Variants in JARID2 observed in about 807,000 individuals in gnomAD.
The protein encoded by JARID2 is protein Jumonji.
In JARID2, 21 loss-of-function variants were observed where a neutral mutation model predicts 125.6. The observed-to-expected ratio is 0.17, with a 90% CI of 0.12 to 0.24. The LOEUF (loss-of-function observed/expected upper bound fraction) is 0.24. Ranked by LOEUF, JARID2 falls within the 10% of genes least tolerant of loss-of-function variation. The probability of loss-of-function intolerance (pLI) is 1.00; values close to 1 mark genes in which losing one functional copy is unlikely to be tolerated. For synonymous variants in JARID2, 736 were observed against 661.6 expected, an observed-to-expected ratio of 1.11 and a Z score of -1.73; for missense variants, 1,303 against 1,639.6, an observed-to-expected ratio of 0.79 and a Z score of 3.55.
At chr6:15,379,970 C>G (rs1420251721) in intron 2 of JARID2, among the ~76,000 whole-genome samples, 1 of 150,096 alleles carries the variant, frequency 6.7e-6, no homozygotes, top group African/African-American at 2.5e-5. Flanking sequence ...TGTAGGAAGA[C>G]TTTACTTTTT....
At chr6:15,462,176 C>T (rs967541070) in intron 4 of JARID2, among the ~76,000 whole-genome samples, 1 of 152,168 alleles carries the variant, frequency 6.6e-6, no homozygotes, top group African/African-American at 2.4e-5. Flanking sequence ...GAATGCAAGT[C>T]ACCTTACAGA....
At chr6:15,364,818 G>A (rs1763919068) in intron 1 of JARID2, among the ~76,000 whole-genome samples, 1 of 152,216 alleles carries the variant, frequency 6.6e-6, no homozygotes. Flanking sequence ...CCGTTCTGTA[G>A]CTGTGTTGTC....
At chr6:15,420,994 G>A (rs1196664483) in intron 3 of JARID2, among the ~76,000 whole-genome samples, 1 of 152,146 alleles carries the variant, frequency 6.6e-6, no homozygotes, top group Non-Finnish European at 1.5e-5. Context: ...AGTACTCAGC[G>A]GAAGACATGA....
intron 12 of JARID2, chr6:15,509,392 G>A (rs1026127170): frequency 6.1e-6 from 6 of 983,858 alleles, no homozygotes; most frequent in Non-Finnish European, 7.2e-6. Context: ...CCTCTTTGGA[G>A]CCAGCGTCGG....
At chr6:15,331,975 T>C (rs1384306339) in intron 1 of JARID2, among the ~76,000 whole-genome samples, 2 of 152,212 alleles carry the variant, frequency 1.3e-5, no homozygotes, top group African/African-American at 4.8e-5. Context: ...TGTATTGTTC[T>C]GTTTGATATT....
intron 2 of JARID2, among the ~76,000 whole-genome samples, chr6:15,398,054 C>A (rs1000631195): frequency 6.6e-6 from 1 of 152,162 alleles, no homozygotes; most frequent in Non-Finnish European, 1.5e-5. Flanking sequence ...TTGGAAAAAA[C>A]CCAATTCCCA....
intron 1 of JARID2, among the ~76,000 whole-genome samples, chr6:15,343,216 C>T (rs184398475): frequency 5.4e-5 from 4 of 74,706 alleles, no homozygotes; most frequent in South Asian, 5.0e-4. Flanking sequence ...GCGACAAGAA[C>T]GAAACTCCGT....
At chr6:15,467,695 G>A (rs1032742643) in intron 4 of JARID2, among the ~76,000 whole-genome samples, 1 of 152,116 alleles carries the variant, frequency 6.6e-6, no homozygotes, top group South Asian at 2.1e-4. Flanking sequence ...AATTAGCTGG[G>A]TGTGGTGGTG....
intron 1 of JARID2, among the ~76,000 whole-genome samples, chr6:15,326,599 TCAGA>T (rs1762541847): frequency 6.6e-6 from 1 of 152,106 alleles, no homozygotes; most frequent in East Asian, 1.9e-4. Context: ...CCTCCCAGAC[TCAGA>T]CAGTTCTCAT....
At chr6:15,384,688 A>G (rs1031811192) in intron 2 of JARID2, among the ~76,000 whole-genome samples, 1 of 151,794 alleles carries the variant, frequency 6.6e-6, no homozygotes, top group Admixed American at 6.6e-5. Context: ...CTCCTTCCCC[A>G]TTTAACATCC....
chr6:15,326,616 C>T (rs527897158), intron 1 of JARID2, among the ~76,000 whole-genome samples: 1 of 152,328 alleles, frequency 6.6e-6, no homozygotes, highest in Admixed American at 6.5e-5. Flanking sequence ...GTTCTCATGC[C>T]TCAGCCTCCC....
intron 12 of JARID2, chr6:15,509,446 G>A (rs1386878321): frequency 1.4e-6 from 1 of 728,470 alleles, no homozygotes; most frequent in Non-Finnish European, 1.7e-6. Context: ...TGGTGCTGTG[G>A]ACATGAGGGA....
At chr6:15,393,702 T>C (rs934990585) in intron 2 of JARID2, among the ~76,000 whole-genome samples, 1 of 152,244 alleles carries the variant, frequency 6.6e-6, no homozygotes, top group Non-Finnish European at 1.5e-5. Context: ...AGGAAGAATA[T>C]ACACGAAATT....
At chr6:15,485,178 G>A (rs1370567360) in intron 5 of JARID2, among the ~76,000 whole-genome samples, 7 of 152,158 alleles carry the variant, frequency 4.6e-5, no homozygotes, top group African/African-American at 1.4e-4. Context: ...ATATTTTGAC[G>A]TGGCCTGGTC....
rs1491205152 is a variant in JARID2 at position 15,470,716 on chromosome 6, TCA to T, written c.670+1999_670+2000del. Among the ~76,000 whole-genome samples, 65 of 83,032 alleles carry T rather than the reference TCA, an allele frequency of 7.8e-4. 2 individuals carry two copies. The East Asian group carries it at 0.024, about 31-fold the overall frequency. The allele number at this position is 83,032 out of a possible 152,430, so 54.5% of individuals were successfully genotyped here. ...AGGTTGTTACCTGCAGCTGTGGTCA[TCA>T]GGGCATCTGGGTGGTTGGAAGAGAG... On this transcript the variant is annotated intron_variant, in intron 5 of 17. Coordinates refer to ENST00000341776, the MANE Select transcript of JARID2 (RefSeq NM_004973.4).
intron 2 of JARID2, chr6:15,400,775 C>T: frequency 1.0e-6 from 1 of 984,876 alleles, no homozygotes. Flanking sequence ...TCCCCCTCGG[C>T]CCCATTGCTG....
intron 8 of JARID2, among the ~76,000 whole-genome samples, chr6:15,503,925 G>A (rs182990299): frequency 1.2e-4 from 19 of 152,380 alleles, no homozygotes; most frequent in African/African-American, 3.8e-4. Context: ...AAGAAGAGGC[G>A]CAGAGGGGAC....
At chr6:15,271,593 T>C (rs920642485) in intron 1 of JARID2, among the ~76,000 whole-genome samples, 1 of 152,210 alleles carries the variant, frequency 6.6e-6, no homozygotes, top group African/African-American at 2.4e-5. Flanking sequence ...GAGGCTTGCT[T>C]GAGCCCAGGA....
chr6:15,438,455 CTG>C (rs1314653027), intron 3 of JARID2, among the ~76,000 whole-genome samples: 1 of 152,158 alleles, frequency 6.6e-6, no homozygotes, highest in Non-Finnish European at 1.5e-5. Context: ...CTTTTTTCAT[CTG>C]TGAATTGCAG....
Sources: gnomAD v4.1 joint callset for allele counts (sites outside exome capture counted in the v4.1 genomes callset) on GRCh38, gnomAD v4.1.1 for gene constraint, MANE v1.5 for transcripts, NCBI Gene and HGNC (gene_info 2026-07-23, HGNC 2026-07-21) for gene names.